SH3KBP1: variants seen among roughly 807,000 people sequenced by gnomAD.
The protein encoded by SH3KBP1 is SH3 domain containing kinase binding protein 1.
SH3KBP1 carries 8 observed loss-of-function variants against 50.1 expected under a neutral mutation model. That is an observed-to-expected ratio of 0.16 (90% confidence interval 0.09 to 0.29). The LOEUF (loss-of-function observed/expected upper bound fraction) is 0.29. Ranked by LOEUF, SH3KBP1 falls within the 10% of genes least tolerant of loss-of-function variation. The pLI, the probability that SH3KBP1 is intolerant of heterozygous loss-of-function variation, is 1.00. For synonymous variants in SH3KBP1, 227 were observed against 218.6 expected, an observed-to-expected ratio of 1.04 and a Z score of -0.34; for missense variants, 377 against 535.2, an observed-to-expected ratio of 0.70 and a Z score of 2.92.
chrX:19,536,525 G>A lies in SH3KBP1; in HGVS notation c.1957-67C>T, dbSNP rs1435979212. ...TCGGCTGGTTTTATAGAAGCTGAAA[G>A]ATTATCAACCCGGTCGACTGAAAGA... On this transcript the variant is annotated intron_variant, in intron 17 of 17. Coordinates refer to ENST00000397821, the MANE Select transcript of SH3KBP1 (RefSeq NM_031892.3). 12 of 709,853 alleles carry A rather than the reference G, an allele frequency of 1.7e-5. No individual in the cohort carries two copies. In the East Asian group the frequency reaches 4.0e-4, roughly 24 times the overall value. 58.5% of individuals were successfully genotyped at this position (709,853 alleles called of 1,213,427 possible). A position where few individuals can be genotyped will look rare whatever the true frequency, so the allele number is the denominator to read the frequency against.
intron 6 of SH3KBP1, among the ~76,000 whole-genome samples, chrX:19,660,076 T>C (rs760564984): frequency 3.7e-4 from 42 of 112,633 alleles, no homozygotes; most frequent in African/African-American, 1.1e-3. Context: ...ACTAGGGACC[T>C]AAGAATGGAA....
At chrX:19,850,385 T>C (rs2068474381) in intron 1 of SH3KBP1, among the ~76,000 whole-genome samples, 1 of 111,253 alleles carries the variant, frequency 9.0e-6, no homozygotes, top group South Asian at 3.8e-4. Context: ...GGTTTTACCA[T>C]GTTGGCCAGG....
intron 3 of SH3KBP1, among the ~76,000 whole-genome samples, chrX:19,713,623 T>A (rs1228103643): frequency 9.0e-6 from 1 of 111,392 alleles, no homozygotes; most frequent in African/African-American, 3.3e-5. Flanking sequence ...ACATGTGATA[T>A]TTTGTTCCAT....
At chrX:19,603,438 T>A (rs1401109596) in intron 9 of SH3KBP1, among the ~76,000 whole-genome samples, 1 of 111,952 alleles carries the variant, frequency 8.9e-6, no homozygotes, top group African/African-American at 3.2e-5. Context: ...TGCTACCTGA[T>A]TAAGTCTCTG....
At chrX:19,858,839 G>C (rs2068716987) in intron 1 of SH3KBP1, among the ~76,000 whole-genome samples, 1 of 112,222 alleles carries the variant, frequency 8.9e-6, no homozygotes, top group Non-Finnish European at 1.9e-5. Context: ...TAAGGCATCA[G>C]TATGTACAGT....
At chrX:19,596,278 A>G (rs1352557808) in intron 9 of SH3KBP1, among the ~76,000 whole-genome samples, 1 of 112,338 alleles carries the variant, frequency 8.9e-6, no homozygotes, top group Non-Finnish European at 1.9e-5. Context: ...CCTGGTGCAC[A>G]TAAAAGTTAT....
chrX:19,641,219 G>A (rs777723072), intron 7 of SH3KBP1, among the ~76,000 whole-genome samples: 1 of 112,047 alleles, frequency 8.9e-6, no homozygotes, highest in African/African-American at 3.2e-5. Context: ...AAGCCCCAAG[G>A]AACACCGGCA....
chrX:19,650,515 C>G (rs184680228), intron 6 of SH3KBP1, among the ~76,000 whole-genome samples: 83 of 108,154 alleles, frequency 7.7e-4, no homozygotes, highest in Non-Finnish European at 1.4e-3. Context: ...ATCTAATCAC[C>G]TCCCACAAGG....
intron 6 of SH3KBP1, among the ~76,000 whole-genome samples, chrX:19,646,561 G>GA (rs2148405372): frequency 8.9e-6 from 1 of 112,228 alleles, no homozygotes; most frequent in Admixed American, 9.4e-5. Flanking sequence ...CAGCCACTGG[G>GA]AAAATCAAAC....
intron 2 of SH3KBP1, among the ~76,000 whole-genome samples, chrX:19,764,478 C>G (rs763698249): frequency 1.8e-5 from 2 of 110,962 alleles, no homozygotes; most frequent in Non-Finnish European, 3.8e-5. Flanking sequence ...TCTACTCCAT[C>G]ATGGGACCTG....
At chrX:19,585,434 C>G (rs907289599) in intron 12 of SH3KBP1, among the ~76,000 whole-genome samples, 1 of 111,636 alleles carries the variant, frequency 9.0e-6, no homozygotes, top group African/African-American at 3.3e-5. Flanking sequence ...GTAAAGAAGT[C>G]CGGGGGTGTT....
intron 3 of SH3KBP1, among the ~76,000 whole-genome samples, chrX:19,737,375 C>G (rs2064620340): frequency 1.8e-5 from 2 of 111,343 alleles, no homozygotes; most frequent in African/African-American, 6.5e-5. Context: ...ATAAGTGGGT[C>G]CCTCTGTAAC....
chrX:19,783,243 T>C (rs1376107149), intron 2 of SH3KBP1, among the ~76,000 whole-genome samples: 1 of 112,403 alleles, frequency 8.9e-6, no homozygotes, highest in East Asian at 2.8e-4. Flanking sequence ...AGTAAGACTT[T>C]AGAATAGCAA....
chrX:19,653,093 G>A (rs751998628), intron 6 of SH3KBP1, among the ~76,000 whole-genome samples: 9 of 111,333 alleles, frequency 8.1e-5, no homozygotes, highest in Non-Finnish European at 1.3e-4. Context: ...GGACTCAAGC[G>A]ATCCTCCCAC....
intron 8 of SH3KBP1, among the ~76,000 whole-genome samples, chrX:19,621,138 G>C (rs1371866429): frequency 1.0e-5 from 1 of 97,597 alleles, no homozygotes; most frequent in East Asian, 3.2e-4. Context: ...GCAGTGGCGC[G>C]ATCTTGGCTC....
chrX:19,770,267 C>T (rs1461841772), intron 2 of SH3KBP1, among the ~76,000 whole-genome samples: 1 of 111,566 alleles, frequency 9.0e-6, no homozygotes, highest in Admixed American at 9.5e-5. Flanking sequence ...CCTTTAGCTC[C>T]CACTTATAAG....
chrX:19,579,886 T>G (rs2066313479), intron 12 of SH3KBP1, among the ~76,000 whole-genome samples: 1 of 111,417 alleles, frequency 9.0e-6, no homozygotes, highest in Non-Finnish European at 1.9e-5. Flanking sequence ...TCCACTCCCT[T>G]GGGGCCCCAG....
In SH3KBP1 at chrX:19,544,841, T is replaced by A. The variant is rs749063006; in HGVS notation, c.1623+1081A>T. 2.7e-5 allele frequency among the ~76,000 whole-genome samples: 3 copies of A among 111,742 alleles called. No individual in the cohort carries two copies. The South Asian group carries it at 1.1e-3, about 42-fold the overall frequency. ...ACTCCGGGGAAGAGAAATAGGCTAA[T>A]GGGATACAACTGTGTACATCAGAAC... On this transcript the variant is annotated intron_variant, in intron 15 of 17. Transcript: ENST00000397821.
At chrX:19,568,388 G>A (rs1049981932) in intron 13 of SH3KBP1, among the ~76,000 whole-genome samples, 1 of 111,857 alleles carries the variant, frequency 8.9e-6, no homozygotes, top group Non-Finnish European at 1.9e-5. Flanking sequence ...ATAGCCTGTT[G>A]CTAAACAATA....
Sources: allele counts gnomAD v4.1 joint callset (sites outside exome capture counted in the v4.1 genomes callset), GRCh38; gene constraint gnomAD v4.1.1; transcripts MANE v1.5; gene names NCBI Gene and HGNC (gene_info 2026-07-23, HGNC 2026-07-21).